MARCHF3: variants seen among roughly 807,000 people sequenced by gnomAD.
MARCHF3 encodes the protein E3 ubiquitin-protein ligase MARCHF3.
A neutral mutation model predicts 24.2 loss-of-function variants in MARCHF3; 13 were observed. The ratio of observed to expected loss-of-function variants is 0.54; its 90% CI spans 0.35 to 0.85. The LOEUF is 0.85. Ranked by LOEUF, MARCHF3 falls within the 40% of genes least tolerant of loss-of-function variation. MARCHF3 has a pLI of 0.01. For synonymous variants in MARCHF3, 144 were observed against 137.3 expected (o/e 1.05, Z -0.34); for missense variants, 276 against 325.0 (o/e 0.85, Z 1.16).
chr5:126,932,805 C>T (rs937984260), intron 1 of MARCHF3, among the ~76,000 whole-genome samples: 2 of 152,126 alleles, frequency 1.3e-5, no homozygotes, highest in African/African-American at 4.8e-5. Context: ...CAGGTTTTCC[C>T]AAGAGCCAGG....
In MARCHF3 at chr5:126,993,131, G is replaced by C. The variant is rs1751828154; in HGVS notation, c.-57+37219C>G. Among the ~76,000 whole-genome samples, 3 of 152,118 alleles carry C rather than the reference G, an allele frequency of 2.0e-5. No homozygotes were observed. In the South Asian group the frequency reaches 6.2e-4, roughly 32 times the overall value. ...TCCACAATAGGCTACAGAAAGACGA[G>C]CCCTCCAACTCAAATAGTCCTTGCA... On this transcript the variant is annotated intron_variant, in intron 1 of 4. Coordinates refer to ENST00000308660, the MANE Select transcript of MARCHF3 (RefSeq NM_178450.5).
chr5:126,989,319 C>G (rs189995490), intron 1 of MARCHF3, among the ~76,000 whole-genome samples: 1,955 of 138,722 alleles, frequency 0.014, 30 homozygotes, highest in Admixed American at 0.027. Flanking sequence ...ACTACTACTA[C>G]TACTACTACT....
intron 1 of MARCHF3, among the ~76,000 whole-genome samples, chr5:126,971,349 T>G (rs1751001396): frequency 6.8e-6 from 1 of 146,454 alleles, no homozygotes; most frequent in Non-Finnish European, 1.5e-5. Context: ...CTCGGGTGGC[T>G]GAGGCAGGAA....
At chr5:126,947,945 G>A (rs905900266) in intron 1 of MARCHF3, among the ~76,000 whole-genome samples, 42 of 152,104 alleles carry the variant, frequency 2.8e-4, no homozygotes, top group Admixed American at 2.8e-3. Flanking sequence ...CTTGGTCAAA[G>A]AGGACATTCT....
At chr5:126,904,005 T>C (rs1038517053) in intron 3 of MARCHF3, among the ~76,000 whole-genome samples, 1 of 128,502 alleles carries the variant, frequency 7.8e-6, no homozygotes. Context: ...GATGTTCCCC[T>C]CCCTGTGTCC....
chr5:126,930,108 G>T (rs1020004270), intron 1 of MARCHF3, among the ~76,000 whole-genome samples: 1 of 151,778 alleles, frequency 6.6e-6, no homozygotes, highest in Non-Finnish European at 1.5e-5. Flanking sequence ...AAAAAAAAAA[G>T]TCAGACCACT....
chr5:126,872,287 C>T (rs532840421), intron 4 of MARCHF3, among the ~76,000 whole-genome samples: 3 of 149,922 alleles, frequency 2.0e-5, no homozygotes, highest in African/African-American at 4.9e-5. Flanking sequence ...CTCGAACTCC[C>T]GACCTTAGGT....
intron 1 of MARCHF3, among the ~76,000 whole-genome samples, chr5:126,963,473 T>C (rs57032367): frequency 0.052 from 7,846 of 152,208 alleles, 375 homozygotes; most frequent in South Asian, 0.14. Context: ...AACGTTAGTG[T>C]TATTAAAAAA....
intron 1 of MARCHF3, among the ~76,000 whole-genome samples, chr5:126,918,778 A>G (rs1353061608): frequency 6.6e-6 from 1 of 152,206 alleles, no homozygotes; most frequent in Non-Finnish European, 1.5e-5. Flanking sequence ...TGAATCACTC[A>G]ATGACTGTAC....
At chr5:127,008,244 A>C (rs1752369228) in intron 1 of MARCHF3, among the ~76,000 whole-genome samples, 2 of 152,230 alleles carry the variant, frequency 1.3e-5, no homozygotes, top group African/African-American at 4.8e-5. Flanking sequence ...ATGAAAAATT[A>C]ATGAATGTTA....
At chr5:126,996,957 A>G (rs552166996) in intron 1 of MARCHF3, among the ~76,000 whole-genome samples, 3 of 152,320 alleles carry the variant, frequency 2.0e-5, no homozygotes, top group African/African-American at 7.2e-5. Context: ...AACATTTGTT[A>G]TATCTGGGGA....
intron 3 of MARCHF3, among the ~76,000 whole-genome samples, chr5:126,897,925 G>A (rs1753980727): frequency 6.6e-6 from 1 of 152,084 alleles, no homozygotes; most frequent in South Asian, 2.1e-4. Context: ...ATTATGCTAA[G>A]TGAAGGAAGC....
At chr5:126,950,664 C>G (rs928311976) in intron 1 of MARCHF3, among the ~76,000 whole-genome samples, 1 of 152,188 alleles carries the variant, frequency 6.6e-6, no homozygotes, top group Admixed American at 6.5e-5. Context: ...AACTCTGCCT[C>G]TCTTCAACAT....
At chr5:126,986,296 G>T (rs61685918) in intron 1 of MARCHF3, among the ~76,000 whole-genome samples, 7,826 of 152,076 alleles carry the variant, frequency 0.051, 372 homozygotes, top group South Asian at 0.14. Context: ...AAGTGGGCAG[G>T]GAGTTAAATA....
intron 1 of MARCHF3, among the ~76,000 whole-genome samples, chr5:127,007,520 T>C (rs950281272): frequency 2.0e-5 from 3 of 152,140 alleles, no homozygotes; most frequent in Admixed American, 6.5e-5. Context: ...AGGCCAAGTA[T>C]ACACTTCATT....
At chr5:127,009,786 T>G (rs572901571) in intron 1 of MARCHF3, among the ~76,000 whole-genome samples, 1 of 152,252 alleles carries the variant, frequency 6.6e-6, no homozygotes, top group Admixed American at 6.5e-5. Flanking sequence ...ATCAGACACA[T>G]TTAGTTGGGC....
rs571497490 is a variant in MARCHF3, at chr5:127,000,685, T to C, written c.-57+29665A>G. 4.6e-5 allele frequency among the ~76,000 whole-genome samples: 7 copies of C among 152,272 alleles called. No homozygotes were observed. In the South Asian group the frequency reaches 1.4e-3, roughly 32 times the overall value. ...TTCATGACTCTTGAGTTTGCCCTTT[T>C]ATTTTTATTTTTATTTATTTATTTA... On this transcript the variant is annotated intron_variant, in intron 1 of 4. Transcript: ENST00000308660.
Position 126,914,799 on chromosome 5 carries a change from C to CACACACAT in MARCHF3, c.393+130_393+131insATGTGTGT, listed in dbSNP as rs1222642444. 1.0e-4 allele frequency: 77 copies of CACACACAT among 773,076 alleles called. 1 individual carries two copies. Among genetic ancestry groups the CACACACAT allele is most frequent in the Non-Finnish European group, 1.6e-4 (74 of 463,902 alleles). The allele number at this position is 773,076 out of a possible 1,614,324, so 47.9% of individuals were successfully genotyped here. On this transcript the variant is annotated intron_variant, in intron 3 of 4. Transcript: ENST00000308660. ...ACACACACACACACACACACACACA[C>CACACACAT]ACACACACACACAGTCACATAGCTA...
At chr5:126,981,234 G>A (rs12657369) in intron 1 of MARCHF3, among the ~76,000 whole-genome samples, 70,066 of 152,042 alleles carry the variant, frequency 0.46, 16,663 homozygotes, top group East Asian at 0.67. Context: ...TGTCCAGTGA[G>A]GAAGAAAAGC....
Sources: gnomAD v4.1 joint callset for allele counts (sites outside exome capture counted in the v4.1 genomes callset) on GRCh38, gnomAD v4.1.1 for gene constraint, MANE v1.5 for transcripts, NCBI Gene and HGNC (gene_info 2026-07-23, HGNC 2026-07-21) for gene names.